Variants in SHROOM4 observed in about 807,000 individuals in gnomAD.
The protein encoded by SHROOM4 is protein Shroom4.
In SHROOM4, 17 loss-of-function variants were observed where a neutral mutation model predicts 80.3. The observed-to-expected ratio is 0.21, with a 90% CI of 0.14 to 0.32. The LOEUF (loss-of-function observed/expected upper bound fraction) is 0.32, where lower values mean the gene tolerates loss of function less well. Among genes scored for constraint, SHROOM4 ranks in the 10% least tolerant of loss-of-function variants. The pLI is 1.00. For synonymous variants in SHROOM4, 400 were observed against 437.5 expected (o/e 0.91, Z 1.07); for missense variants, 993 against 1,140.3 (o/e 0.87, Z 1.86).
chrX:50,758,371 G>A (rs999083885), intron 1 of SHROOM4, among the ~76,000 whole-genome samples: 3 of 111,789 alleles, frequency 2.7e-5, no homozygotes, highest in African/African-American at 9.7e-5. Context: ...CCCTTTATCA[G>A]CTTAAGGAAA....
At chrX:50,711,783 T>G (rs1284339276) in intron 1 of SHROOM4, among the ~76,000 whole-genome samples, 1 of 112,457 alleles carries the variant, frequency 8.9e-6, no homozygotes, top group Non-Finnish European at 1.9e-5. Flanking sequence ...TTTAAAACAT[T>G]CTGTTATAAA....
intron 1 of SHROOM4, among the ~76,000 whole-genome samples, chrX:50,749,143 T>C (rs1934849300): frequency 8.9e-6 from 1 of 111,897 alleles, no homozygotes; most frequent in Admixed American, 9.5e-5. Flanking sequence ...GCCCAGGAGA[T>C]GGAGGCTGCA....
chrX:50,798,572 G>A (rs1602523990), intron 1 of SHROOM4, among the ~76,000 whole-genome samples: 1 of 111,201 alleles, frequency 9.0e-6, no homozygotes. Flanking sequence ...TAGGATTTGG[G>A]GTCAGGTAGA....
At chrX:50,751,446 A>G (rs1275455176) in intron 1 of SHROOM4, among the ~76,000 whole-genome samples, 1 of 112,281 alleles carries the variant, frequency 8.9e-6, no homozygotes, top group Non-Finnish European at 1.9e-5. Context: ...GGGCAAAAAA[A>G]TATTAGCTAA....
At chrX:50,620,400 T>C (rs1000003339) in intron 5 of SHROOM4, among the ~76,000 whole-genome samples, 8 of 112,230 alleles carry the variant, frequency 7.1e-5, no homozygotes, top group African/African-American at 2.3e-4. Context: ...GATGATGATA[T>C]ATTAGATTGG....
At chrX:50,651,444 A>G (rs112475396) in intron 2 of SHROOM4, among the ~76,000 whole-genome samples, 60 of 110,756 alleles carry the variant, frequency 5.4e-4, no homozygotes, top group African/African-American at 2.0e-3. Flanking sequence ...ATGTCCCCCA[A>G]CCCCCAAATA....
At chrX:50,757,570 C>A (rs149009610) in intron 1 of SHROOM4, among the ~76,000 whole-genome samples, 1 of 111,914 alleles carries the variant, frequency 8.9e-6, no homozygotes, top group African/African-American at 3.2e-5. Context: ...TGCCTGTAAT[C>A]CCAGCACTTT....
At chrX:50,712,501 G>A (rs1031647152) in intron 1 of SHROOM4, among the ~76,000 whole-genome samples, 2 of 111,907 alleles carry the variant, frequency 1.8e-5, no homozygotes, top group Non-Finnish European at 3.8e-5. Flanking sequence ...TCTCCATGAT[G>A]TGATTATTTC....
At chrX:50,797,132 G>A (rs1233131258) in intron 1 of SHROOM4, among the ~76,000 whole-genome samples, 1 of 109,864 alleles carries the variant, frequency 9.1e-6, no homozygotes, top group African/African-American at 3.3e-5. Flanking sequence ...AATATCCACA[G>A]GATAGAGATA....
intron 1 of SHROOM4, among the ~76,000 whole-genome samples, chrX:50,762,909 T>G (rs1258930163): frequency 8.9e-6 from 1 of 111,879 alleles, no homozygotes; most frequent in East Asian, 2.8e-4. Flanking sequence ...TGGAATTTCT[T>G]GAGGATTTTC....
At chrX:50,672,601 C>G (rs1162673479) in intron 2 of SHROOM4, among the ~76,000 whole-genome samples, 1 of 111,063 alleles carries the variant, frequency 9.0e-6, no homozygotes, top group African/African-American at 3.3e-5. Flanking sequence ...AGAAGCAGAG[C>G]AAGACTAAAA....
chrX:50,653,019 C>A (rs978909722), intron 2 of SHROOM4, among the ~76,000 whole-genome samples: 1 of 111,498 alleles, frequency 9.0e-6, no homozygotes, highest in African/African-American at 3.3e-5. Context: ...CAGCTTTGTT[C>A]TTTTTGCTTA....
intron 1 of SHROOM4, among the ~76,000 whole-genome samples, chrX:50,797,970 C>A (rs1460218180): frequency 9.1e-6 from 1 of 110,404 alleles, no homozygotes; most frequent in Non-Finnish European, 1.9e-5. Flanking sequence ...AAATTTTGTT[C>A]CATGAACATT....
chrX:50,787,313 C>T (rs1935763618), intron 1 of SHROOM4, among the ~76,000 whole-genome samples: 1 of 109,198 alleles, frequency 9.2e-6, no homozygotes, highest in Admixed American at 9.8e-5. Context: ...GAGACTCAAG[C>T]AAAAGAAAGG....
intron 1 of SHROOM4, among the ~76,000 whole-genome samples, chrX:50,781,544 AT>A (rs1223878775): frequency 8.2e-5 from 9 of 109,413 alleles, no homozygotes; most frequent in African/African-American, 2.3e-4. Flanking sequence ...AATTAATGCC[AT>A]TTTTTTTAAG....
At chrX:50,723,496 T>C (rs1259015424) in intron 1 of SHROOM4, among the ~76,000 whole-genome samples, 1 of 110,370 alleles carries the variant, frequency 9.1e-6, no homozygotes, top group Non-Finnish European at 1.9e-5. Context: ...GGGCTTCCTA[T>C]GAGTGTACTG....
intron 1 of SHROOM4, among the ~76,000 whole-genome samples, chrX:50,739,415 T>C (rs1324724374): frequency 9.2e-6 from 1 of 108,387 alleles, no homozygotes; most frequent in African/African-American, 3.3e-5. Flanking sequence ...TGGGAGAAAA[T>C]TTTTGCAATC....
intron 1 of SHROOM4, among the ~76,000 whole-genome samples, chrX:50,754,460 C>T (rs1934994965): frequency 8.9e-6 from 1 of 111,940 alleles, no homozygotes; most frequent in African/African-American, 3.2e-5. Context: ...AAAGCTCGCT[C>T]CAATCATTTA....
intron 2 of SHROOM4, among the ~76,000 whole-genome samples, chrX:50,659,482 G>T (rs1322958145): frequency 4.5e-5 from 5 of 111,729 alleles, no homozygotes; most frequent in Non-Finnish European, 7.5e-5. Context: ...TCAGCCTGTC[G>T]CTAGCATCAG....
Sources: gnomAD v4.1 joint callset for allele counts (sites outside exome capture counted in the v4.1 genomes callset) on GRCh38, gnomAD v4.1.1 for gene constraint, MANE v1.5 for transcripts, NCBI Gene and HGNC (gene_info 2026-07-23, HGNC 2026-07-21) for gene names.